CDH11: variants seen among roughly 807,000 people sequenced by gnomAD.
CDH11 encodes cadherin 11.
Under a neutral mutation model 67.8 loss-of-function variants are expected in CDH11, and 11 were observed. That is an observed-to-expected ratio of 0.16 (90% CI 0.10 to 0.27). The LOEUF (loss-of-function observed/expected upper bound fraction) is 0.27, where lower values mean the gene tolerates loss of function less well. CDH11 is among the 10% of genes least tolerant of loss of function. The probability of loss-of-function intolerance (pLI) is 1.00; values close to 1 mark genes in which losing one functional copy is unlikely to be tolerated. For missense variants in CDH11, 847 were observed against 1,031.2 expected (o/e 0.82, Z 2.45); for synonymous variants, 419 against 400.0 (o/e 1.05, Z -0.57).
At chr16:64,953,178 G>A (rs998735939) in intron 11 of CDH11, among the ~76,000 whole-genome samples, 1 of 151,870 alleles carries the variant, frequency 6.6e-6, no homozygotes, top group Non-Finnish European at 1.5e-5. Flanking sequence ...TATATTTGAT[G>A]TTTGGTTGGC....
chr16:65,037,159 C>T (rs370737228), intron 2 of CDH11, among the ~76,000 whole-genome samples: 18 of 152,244 alleles, frequency 1.2e-4, no homozygotes, highest in African/African-American at 3.1e-4. Context: ...AAGAAGCTAA[C>T]CTTGGATTTG....
chr16:64,974,350 T>A (rs1378380503), intron 8 of CDH11, among the ~76,000 whole-genome samples: 1 of 152,154 alleles, frequency 6.6e-6, no homozygotes. Context: ...AAAATGAGTA[T>A]GTCAGAAGGC....
rs141063325 is a variant in CDH11 at position 64,972,031 on chromosome 16, G to C, written c.1424C>G (p.Ala475Gly). ...NRHQEAKVPV[A>G]IRVLDVNDNA... ...ATCGTTGACATCAAGGACCCTAATG[G>C]CCACTGGGACTTTGGCTTCCTGATG... The change falls in exon 10 of 13, where the codon GCC (alanine) becomes GGC (glycine). Residue 475 changes from alanine to glycine, a missense_variant. Physicochemically the swap from Ala to Gly is moderately conservative, Grantham distance 60. Around this residue, in one of 2 missense-constraint regions of CDH11, gnomAD observed 612 missense variants for 678.7 expected, o/e 0.90. Transcript: ENST00000268603. 5 of 1,613,230 alleles carry C rather than the reference G, an allele frequency of 3.1e-6. No homozygotes were observed. The South Asian group carries it at 5.5e-5, about 18-fold the overall frequency.
chr16:65,046,312 G>GTGGAGAGCA (rs748655828), intron 2 of CDH11, among the ~76,000 whole-genome samples: 4 of 152,188 alleles, frequency 2.6e-5, no homozygotes, highest in Non-Finnish European at 5.9e-5. Flanking sequence ...GAAGGCAAGT[G>GTGGAGAGCA]TGGAGAGCAT....
At chr16:64,972,457 C>T (rs1035761351) in intron 9 of CDH11, among the ~76,000 whole-genome samples, 1 of 152,146 alleles carries the variant, frequency 6.6e-6, no homozygotes, top group Non-Finnish European at 1.5e-5. Flanking sequence ...CTATCCCAGA[C>T]CTACTGAATC....
At chr16:65,065,421 T>C (rs1361760587) in intron 1 of CDH11, among the ~76,000 whole-genome samples, 2 of 152,220 alleles carry the variant, frequency 1.3e-5, no homozygotes, top group African/African-American at 2.4e-5. Context: ...GAAGGTCATA[T>C]GCAAAGCTTG....
intron 2 of CDH11, among the ~76,000 whole-genome samples, chr16:65,009,894 A>G (rs985983603): frequency 5.9e-5 from 9 of 152,218 alleles, no homozygotes; most frequent in African/African-American, 1.9e-4. Flanking sequence ...GAGAGCAGAT[A>G]GCCCGTCAGA....
intron 1 of CDH11, among the ~76,000 whole-genome samples, chr16:65,093,469 G>A (rs542649211): frequency 6.6e-6 from 1 of 152,026 alleles, no homozygotes; most frequent in Admixed American, 6.5e-5. Context: ...ATAGTGGGGT[G>A]GTTCTAGAAC....
chr16:65,022,168 G>A (rs1029491928), intron 2 of CDH11, among the ~76,000 whole-genome samples: 2 of 151,882 alleles, frequency 1.3e-5, no homozygotes, highest in Non-Finnish European at 2.9e-5. Context: ...ATATAAATCT[G>A]AGAAACCTTA....
In CDH11 at chr16:64,944,532, C is replaced by T. The variant is rs1199951706; in HGVS notation, c.*3071G>A. On this transcript the variant is annotated 3_prime_UTR_variant, in exon 13 of 13. Coordinates refer to ENST00000268603, the MANE Select transcript of CDH11 (RefSeq NM_001797.4). ...TCCAACTGCCCAGCCCCCATTCACCCCCATTGTCTTATAAAGTTTCTCAAA... is the reference window on the plus strand; with the variant it reads ...TCCAACTGCCCAGCCCCCATTCACCTCCATTGTCTTATAAAGTTTCTCAAA... 4.3e-5 allele frequency: 10 copies of T among 233,030 alleles called. No individual in the cohort carries two copies. Among genetic ancestry groups the T allele is most frequent in the African/African-American group, 2.2e-4 (10 of 45,276 alleles). 14.4% of individuals were successfully genotyped at this position (233,030 alleles called of 1,614,324 possible).
chr16:65,034,154 TGATATCTACAAAAA>T (rs1340854592), intron 2 of CDH11, among the ~76,000 whole-genome samples: 1 of 152,136 alleles, frequency 6.6e-6, no homozygotes, highest in African/African-American at 2.4e-5. Context: ...TCTACGTGGC[TGATATCTACAAAAA>T]GAGGAAATGT....
chr16:64,973,123 A>C (rs1239052906), intron 8 of CDH11, 83 bp from the exon 9 acceptor site: 18 of 1,321,302 alleles, frequency 1.4e-5, no homozygotes, highest in Non-Finnish European at 4.2e-6. Flanking sequence ...GCTATATTTA[A>C]ATCAAGCTTC....
At chr16:64,958,655 A>C (rs1384523380) in intron 11 of CDH11, among the ~76,000 whole-genome samples, 1 of 152,204 alleles carries the variant, frequency 6.6e-6, no homozygotes, top group Non-Finnish European at 1.5e-5. Context: ...GAATTTTATA[A>C]GCACATAACT....
At chr16:65,037,611 C>G (rs957236747) in intron 2 of CDH11, among the ~76,000 whole-genome samples, 1 of 152,178 alleles carries the variant, frequency 6.6e-6, no homozygotes, top group Non-Finnish European at 1.5e-5. Flanking sequence ...ACCCTCCTCT[C>G]TCCCCTAACA....
chr16:65,108,087 G>A (rs1244336296), intron 1 of CDH11, among the ~76,000 whole-genome samples: 1 of 152,118 alleles, frequency 6.6e-6, no homozygotes, highest in African/African-American at 2.4e-5. Context: ...AAGGACACTA[G>A]GCACGTCTCT....
At chr16:65,122,323 C>A (rs2075349572), upstream of CDH11, 1 of 293,680 alleles carries the variant, frequency 3.4e-6, no homozygotes, top group African/African-American at 2.3e-5. Flanking sequence ...CCTCCCGCCC[C>A]GTGGCGCGGC....
At chr16:65,056,537 A>G (rs2074146790) in intron 1 of CDH11, among the ~76,000 whole-genome samples, 1 of 152,240 alleles carries the variant, frequency 6.6e-6, no homozygotes, top group Admixed American at 6.5e-5. Flanking sequence ...AATGTTATAA[A>G]CAGGGGTGGA....
chr16:65,048,544 T>C (rs946208261), intron 2 of CDH11, among the ~76,000 whole-genome samples: 1 of 152,036 alleles, frequency 6.6e-6, no homozygotes, highest in East Asian at 1.9e-4. Context: ...TGTGTGTGTG[T>C]GTATATACAT....
upstream of CDH11, chr16:65,122,240 TGC>T: frequency 2.2e-6 from 1 of 464,574 alleles, no homozygotes; most frequent in Non-Finnish European, 3.8e-6. Flanking sequence ...TCGCAGAGGC[TGC>T]GGGGGCCGAC....
Sources: gnomAD v4.1 joint callset for allele counts (sites outside exome capture counted in the v4.1 genomes callset) on GRCh38, gnomAD v4.1.1 for gene constraint, gnomAD v4.1.1 regional missense constraint, MANE v1.5 for transcripts, NCBI Gene and HGNC (gene_info 2026-07-23, HGNC 2026-07-21) for gene names.